The following GSK3B variants were observed in gnomAD, a reference collection of about 807,000 sequenced individuals.
GSK3B encodes glycogen synthase kinase 3 beta, also known as glycogen synthase kinase-3 beta.
Under a neutral mutation model 56.4 loss-of-function variants are expected in GSK3B, and 15 were observed. The ratio of observed to expected loss-of-function variants is 0.27; its 90% confidence interval spans 0.18 to 0.41. GSK3B has a LOEUF of 0.41. Ranked by LOEUF, GSK3B falls within the 10% of genes least tolerant of loss-of-function variation. GSK3B has a pLI of 1.00. For missense variants in GSK3B, 300 were observed against 513.4 expected (o/e 0.58, Z 4.02); for synonymous variants, 181 against 188.9 (o/e 0.96, Z 0.34).
At chr3:120,047,709 A>C (rs927408441) in intron 1 of GSK3B, among the ~76,000 whole-genome samples, 1 of 152,382 alleles carries the variant, frequency 6.6e-6, no homozygotes, top group African/African-American at 2.4e-5. Flanking sequence ...AACCAAGTTT[A>C]AACTCCATTA....
chr3:119,983,883 C>A (rs777556962), intron 2 of GSK3B, among the ~76,000 whole-genome samples: 1 of 152,184 alleles, frequency 6.6e-6, no homozygotes, highest in African/African-American at 2.4e-5. Context: ...AACTCTCCAC[C>A]CAAAATCAAC....
intron 10 of GSK3B, among the ~76,000 whole-genome samples, chr3:119,829,586 T>G (rs2055567478): frequency 6.6e-6 from 1 of 152,258 alleles, no homozygotes; most frequent in Non-Finnish European, 1.5e-5. Flanking sequence ...ACCAGCCCAT[T>G]TATGTTAATT....
At chr3:119,876,551 A>G (rs2056315725) in intron 7 of GSK3B, 43 bp from the exon 8 acceptor site, 1 of 1,078,880 alleles carries the variant, frequency 9.3e-7, no homozygotes, top group African/African-American at 1.6e-5. Context: ...CTATATATTT[A>G]CAAATTTAGT....
intron 10 of GSK3B, among the ~76,000 whole-genome samples, chr3:119,840,905 G>GT (rs1559803547): frequency 1.3e-5 from 2 of 152,138 alleles, no homozygotes; most frequent in Admixed American, 6.5e-5. Context: ...CAGAAACACC[G>GT]TTTTTTCTAA....
rs774789474 is a variant in GSK3B, at chr3:119,876,523, A to C, written c.814-15T>G. On this transcript the variant is annotated splice_polypyrimidine_tract_variant and intron_variant, in intron 7 of 10. Transcript: ENST00000264235. Reference sequence around the variant, plus strand: ...GTTCCCAGGACCTAGAAAGAAAGCAAGTTATTGCCATCTTTTCCTATATAT... The same window carrying C: ...GTTCCCAGGACCTAGAAAGAAAGCACGTTATTGCCATCTTTTCCTATATAT... The C allele has an allele frequency of 4.4e-6, 6 of 1,356,274 alleles. No individual in the cohort carries two copies. The South Asian group carries it at 7.0e-5, about 16-fold the overall frequency. The allele number at this position is 1,356,274 out of a possible 1,614,324, so 84.0% of individuals were successfully genotyped here.
At chr3:119,842,530 T>C (rs1329355247) in intron 10 of GSK3B, among the ~76,000 whole-genome samples, 1 of 152,198 alleles carries the variant, frequency 6.6e-6, no homozygotes, top group Non-Finnish European at 1.5e-5. Context: ...TTATTTTCAG[T>C]AACAACATAT....
intron 1 of GSK3B, among the ~76,000 whole-genome samples, chr3:120,035,939 C>A (rs2058018907): frequency 6.6e-6 from 1 of 152,160 alleles, no homozygotes; most frequent in Non-Finnish European, 1.5e-5. Context: ...TATACTTCTT[C>A]CTTATCACTC....
intron 1 of GSK3B, among the ~76,000 whole-genome samples, chr3:120,004,113 G>C (rs113465663): frequency 6.6e-6 from 1 of 152,220 alleles, no homozygotes; most frequent in Non-Finnish European, 1.5e-5. Context: ...CTGACTCGGC[G>C]GGTCCCACGC....
At chr3:119,999,463 C>T (rs1474756924) in intron 2 of GSK3B, among the ~76,000 whole-genome samples, 1 of 152,112 alleles carries the variant, frequency 6.6e-6, no homozygotes, top group African/African-American at 2.4e-5. Context: ...ATCAATCACA[C>T]AGTACTAATG....
chr3:119,868,763 C>A (rs1312972207), intron 8 of GSK3B, among the ~76,000 whole-genome samples: 1 of 152,138 alleles, frequency 6.6e-6, no homozygotes, highest in Non-Finnish European at 1.5e-5. Context: ...CATCCTATAT[C>A]CTGGTCATAT....
intron 7 of GSK3B, among the ~76,000 whole-genome samples, chr3:119,899,329 A>C (rs1473659517): frequency 6.6e-6 from 1 of 152,150 alleles, no homozygotes; most frequent in Non-Finnish European, 1.5e-5. Flanking sequence ...TGGGTAACTA[A>C]AACAGTAGAA....
chr3:119,936,794 G>A (rs988216754), intron 3 of GSK3B, among the ~76,000 whole-genome samples: 1 of 151,852 alleles, frequency 6.6e-6, no homozygotes, highest in African/African-American at 2.4e-5. Flanking sequence ...TACAATAGTT[G>A]GAGACTTCAA....
chr3:120,041,977 T>C (rs1313422892), intron 1 of GSK3B, among the ~76,000 whole-genome samples: 1 of 152,212 alleles, frequency 6.6e-6, no homozygotes, highest in East Asian at 1.9e-4. Flanking sequence ...GGGTGGCTCA[T>C]ACATTTGGAA....
At chr3:120,063,074 T>C (rs2058251190) in intron 1 of GSK3B, among the ~76,000 whole-genome samples, 1 of 152,214 alleles carries the variant, frequency 6.6e-6, no homozygotes, top group African/African-American at 2.4e-5. Context: ...AATAATGCTA[T>C]GTTTAAAAAA....
At chr3:120,079,349 C>T (rs931065091) in intron 1 of GSK3B, among the ~76,000 whole-genome samples, 37 of 97,782 alleles carry the variant, frequency 3.8e-4, no homozygotes, top group Admixed American at 9.6e-5. Context: ...CACACACACA[C>T]ATTTTTTTTT....
chr3:120,042,077 T>C (rs941882246), intron 1 of GSK3B, among the ~76,000 whole-genome samples: 1 of 152,202 alleles, frequency 6.6e-6, no homozygotes, highest in Admixed American at 6.5e-5. Flanking sequence ...TAACCTTCAG[T>C]TGCCAGAGAA....
chr3:119,981,570 G>A (rs906934956), intron 2 of GSK3B, among the ~76,000 whole-genome samples: 7 of 152,242 alleles, frequency 4.6e-5, no homozygotes, highest in Admixed American at 2.0e-4. Context: ...CGGGTCCCAC[G>A]CCCACGGAGC....
At chr3:119,944,946 G>C (rs2057085619) in intron 3 of GSK3B, among the ~76,000 whole-genome samples, 1 of 152,136 alleles carries the variant, frequency 6.6e-6, no homozygotes, top group Middle Eastern at 3.2e-3. Flanking sequence ...GATACTCTCA[G>C]TAACCTATTC....
chr3:119,852,366 A>T (rs58701371), intron 9 of GSK3B, among the ~76,000 whole-genome samples: 3,878 of 149,240 alleles, frequency 0.026, 166 homozygotes, highest in African/African-American at 0.089. Context: ...TTTTTTTTTT[A>T]AAGACAGAGT....
Sources: gnomAD v4.1 joint callset for allele counts (sites outside exome capture counted in the v4.1 genomes callset) on GRCh38, gnomAD v4.1.1 for gene constraint, MANE v1.5 for transcripts, NCBI Gene and HGNC (gene_info 2026-07-23, HGNC 2026-07-21) for gene names.